Variants in TMEM131L observed in about 807,000 individuals in gnomAD.
TMEM131L encodes transmembrane protein 131-like.
In TMEM131L, 54 loss-of-function variants were observed where a neutral mutation model predicts 192.2. The observed-to-expected ratio is 0.28, with a 90% CI of 0.23 to 0.35. TMEM131L has a LOEUF of 0.35. Ranked by LOEUF, TMEM131L falls within the 10% of genes least tolerant of loss-of-function variation. The pLI, the probability that TMEM131L is intolerant of heterozygous loss-of-function variation, is 1.00. For synonymous variants in TMEM131L, 701 were observed against 704.9 expected (o/e 0.99, Z 0.09); for missense variants, 1,888 against 1,972.9 (o/e 0.96, Z 0.82).
At chr4:153,628,511 T>C (rs6535932) in intron 31 of TMEM131L, among the ~76,000 whole-genome samples, 68,340 of 152,160 alleles carry the variant, frequency 0.45, 15,841 homozygotes, top group African/African-American at 0.51. Flanking sequence ...ATTTAAAAGC[T>C]GCTCTGCACA....
intron 6 of TMEM131L, 32 bp from the exon 7 acceptor site, chr4:153,558,226 A>AC: frequency 8.3e-7 from 1 of 1,210,112 alleles, no homozygotes; most frequent in Non-Finnish European, 1.2e-6. Context: ...AAAACTCTTA[A>AC]CAGAGGAGCA....
chr4:153,503,829 C>T (rs78385658), intron 3 of TMEM131L, among the ~76,000 whole-genome samples: 27,071 of 152,098 alleles, frequency 0.18, 4,998 homozygotes, highest in African/African-American at 0.45. Flanking sequence ...TTATGTTTTA[C>T]AAAACTCACA....
At chr4:153,599,046 T>G (rs1391237185) in intron 21 of TMEM131L, among the ~76,000 whole-genome samples, 2 of 138,696 alleles carry the variant, frequency 1.4e-5, no homozygotes, top group Non-Finnish European at 3.3e-5. Flanking sequence ...CTGGGTAATT[T>G]ATGAACAAGA....
chr4:153,475,099 T>G (rs557965290), intron 3 of TMEM131L, among the ~76,000 whole-genome samples: 1 of 152,352 alleles, frequency 6.6e-6, no homozygotes, highest in African/African-American at 2.4e-5. Context: ...AGCTGTATCT[T>G]CCACCCAGCC....
chr4:153,577,291 T>C (rs534530318), intron 7 of TMEM131L, among the ~76,000 whole-genome samples: 5 of 152,210 alleles, frequency 3.3e-5, no homozygotes, highest in Non-Finnish European at 7.4e-5. Context: ...TGAGAAGTCT[T>C]TGAAGAGTTT....
At chr4:153,532,402 A>G (rs2150245560) in intron 3 of TMEM131L, among the ~76,000 whole-genome samples, 1 of 151,992 alleles carries the variant, frequency 6.6e-6, no homozygotes, top group Admixed American at 6.6e-5. Flanking sequence ...TGATTGAATT[A>G]GGAGTCTGGC....
chr4:153,536,092 C>T (rs1377187962), intron 3 of TMEM131L, among the ~76,000 whole-genome samples: 4 of 152,136 alleles, frequency 2.6e-5, no homozygotes, highest in Admixed American at 6.5e-5. Context: ...GGATTCATAC[C>T]GTGCTTTGTC....
chr4:153,580,926 TTC>T (rs1412017380), intron 8 of TMEM131L, 23 bp downstream of exon 8: 1 of 1,468,088 alleles, frequency 6.8e-7, no homozygotes, highest in Admixed American at 1.7e-5. Flanking sequence ...GTGTAGTGTT[TTC>T]TCTCTGCTTT....
rs1188462987 is a variant in TMEM131L, at chr4:153,634,249, G to C, written c.4386G>C (p.Leu1462Phe). 6.2e-7 allele frequency: 1 copy of C among 1,614,006 alleles called. No homozygotes were observed. Among genetic ancestry groups the C allele is most frequent in the Non-Finnish European group, 8.5e-7 (1 of 1,179,922 alleles). ...AGTTTTCCAGCGCATACTGTCCATT[G>C]GAATTGAACGATTACAATGCCTTTC... is the stretch of plus-strand genomic sequence containing the variant. ...EGQFSSAYCP[L>F]ELNDYNAFPE... Residue 1462 changes from leucine (L) to phenylalanine (F), a missense_variant, in exon 33 of 35, where the codon TTG becomes TTC. Leu to Phe is a conservative substitution (Grantham distance 22, BLOSUM62 0). Coordinates refer to ENST00000409959, the MANE Select transcript of TMEM131L (RefSeq NM_001131007.2).
intron 3 of TMEM131L, among the ~76,000 whole-genome samples, chr4:153,533,660 C>T (rs1001492220): frequency 2.0e-5 from 3 of 152,162 alleles, no homozygotes; most frequent in African/African-American, 7.2e-5. Context: ...CCAACTTGGA[C>T]CTCCTCTTAC....
At chr4:153,623,188 A>G in intron 29 of TMEM131L, 105 bp downstream of exon 29, 1 of 1,037,966 alleles carries the variant, frequency 9.6e-7, no homozygotes, top group Non-Finnish European at 1.3e-6. Context: ...TGCAGAGGAC[A>G]GATGGGACAG....
chr4:153,602,583 T>G lies in TMEM131L; in HGVS notation c.2495T>G (p.Leu832Arg), dbSNP rs762136026. The G allele has an allele frequency of 3.1e-6, 5 of 1,614,042 alleles. No homozygotes were observed. The highest frequency in any genetic ancestry group is 4.2e-6 in the Non-Finnish European group (5 of 1,180,014). Residue 832 changes from leucine (L) to arginine (R), a missense_variant, in exon 23 of 35, where the codon CTA becomes CGA. Transcript: ENST00000409959. Reference sequence around the variant, plus strand: ...ACCTCCTCCTGGGTAATTCGGGACCTAAGTCTTGTAACCGCAGCGGACCTA... The same window carrying G: ...ACCTCCTCCTGGGTAATTCGGGACCGAAGTCTTGTAACCGCAGCGGACCTA... ...DFTSSWVIRD[L>R]SLVTAADLEF...
intron 7 of TMEM131L, among the ~76,000 whole-genome samples, chr4:153,571,181 C>T (rs978787836): frequency 5.3e-5 from 8 of 152,080 alleles, no homozygotes; most frequent in African/African-American, 9.7e-5. Context: ...CTGTTTGTTG[C>T]GTTGCATAAT....
At position 153,603,895 on chromosome 4, in the gene TMEM131L, C is replaced by A. The variant is rs779256807; in HGVS notation, c.2883C>A (p.Ile961=). The A allele has an allele frequency of 7.4e-6, 12 of 1,614,106 alleles. No individual in the cohort carries two copies. In the East Asian group the frequency reaches 2.0e-4, roughly 27 times the overall value. ...CLPVNTPQSR[I]QNAAKRSPAT... is the part of the protein sequence containing the mutation. ...CAGTGAACACTCCCCAAAGCAGGAT[C>A]CAGAATGCTGCAAAGAGGAGCCCAG... Residue 961 remains isoleucine, a synonymous_variant, in exon 25 of 35, where the codon ATC becomes ATA. Transcript: ENST00000409959.
intron 3 of TMEM131L, among the ~76,000 whole-genome samples, chr4:153,510,125 A>T (rs564100357): frequency 6.6e-6 from 1 of 152,324 alleles, no homozygotes; most frequent in Admixed American, 6.5e-5. Flanking sequence ...AGCCCAAATT[A>T]GTATCAGCCT....
intron 7 of TMEM131L, among the ~76,000 whole-genome samples, chr4:153,562,518 C>G (rs1728913367): frequency 6.6e-6 from 1 of 152,120 alleles, no homozygotes; most frequent in Non-Finnish European, 1.5e-5. Context: ...GTCAACTGTT[C>G]TTAGAAAGGA....
chr4:153,586,084 C>G, intron 13 of TMEM131L, 125 bp from the exon 14 acceptor site: 1 of 634,860 alleles, frequency 1.6e-6, no homozygotes, highest in Non-Finnish European at 2.4e-6. Flanking sequence ...AACTTTTGAT[C>G]TGGAAATAAC....
chr4:153,514,969 A>C (rs1159291240), intron 3 of TMEM131L, among the ~76,000 whole-genome samples: 1 of 151,322 alleles, frequency 6.6e-6, no homozygotes, highest in Non-Finnish European at 1.5e-5. Context: ...CTGCCACCAC[A>C]CTCGGCTTAT....
At chr4:153,506,167 A>G (rs10030193) in intron 3 of TMEM131L, among the ~76,000 whole-genome samples, 24,887 of 152,180 alleles carry the variant, frequency 0.16, 4,076 homozygotes, top group African/African-American at 0.41. Context: ...GGAAGAGCCC[A>G]CCAGGTGATA....
Sources: gnomAD v4.1 joint callset for allele counts (sites outside exome capture counted in the v4.1 genomes callset) on GRCh38, gnomAD v4.1.1 for gene constraint, MANE v1.5 for transcripts, NCBI Gene and HGNC (gene_info 2026-07-23, HGNC 2026-07-21) for gene names.